MEGF11: variants seen among roughly 807,000 people sequenced by gnomAD.
MEGF11 encodes multiple epidermal growth factor-like domains protein 11.
Under a neutral mutation model 146.6 loss-of-function variants are expected in MEGF11, and 126 were observed. The observed-to-expected ratio is 0.86, with a 90% CI of 0.74 to 1.00. The LOEUF (loss-of-function observed/expected upper bound fraction) is 1.00. Among genes scored for constraint, MEGF11 ranks in the 50% least tolerant of loss-of-function variants. The probability of loss-of-function intolerance (pLI) is 0.00; values close to 1 mark genes in which losing one functional copy is unlikely to be tolerated. For missense variants in MEGF11, 1,509 were observed against 1,521.2 expected (o/e 0.99, Z 0.13); for synonymous variants, 532 against 583.4 (o/e 0.91, Z 1.27).
intron 4 of MEGF11, among the ~76,000 whole-genome samples, chr15:66,110,387 A>G (rs1314869656): frequency 6.6e-6 from 1 of 152,110 alleles, no homozygotes; most frequent in Non-Finnish European, 1.5e-5. Context: ...TTCTAAATCA[A>G]TGTTCTAAGC....
At chr15:66,035,275 C>T (rs1407893905) in intron 5 of MEGF11, among the ~76,000 whole-genome samples, 2 of 152,214 alleles carry the variant, frequency 1.3e-5, no homozygotes, top group Non-Finnish European at 2.9e-5. Flanking sequence ...ACTACAATCA[C>T]CATGACTACT....
intron 5 of MEGF11, among the ~76,000 whole-genome samples, chr15:66,080,320 C>A (rs2085794055): frequency 6.6e-6 from 1 of 152,216 alleles, no homozygotes; most frequent in South Asian, 2.1e-4. Flanking sequence ...GACCTCAGGC[C>A]ATTATGTAAC....
At chr15:66,118,710 C>T (rs1053377286) in intron 4 of MEGF11, among the ~76,000 whole-genome samples, 1 of 152,190 alleles carries the variant, frequency 6.6e-6, no homozygotes, top group African/African-American at 2.4e-5. Context: ...TCTCTCCTTC[C>T]ATCCAGCAAA....
intron 24 of MEGF11, 40 bp downstream of exon 24, chr15:65,906,045 T>C: frequency 2.0e-6 from 3 of 1,537,114 alleles, no homozygotes; most frequent in South Asian, 2.3e-5. Flanking sequence ...TTTATCTTGC[T>C]AAGCCCTCTG....
At chr15:65,980,521 C>T (rs1482144836) in intron 7 of MEGF11, among the ~76,000 whole-genome samples, 7 of 150,064 alleles carry the variant, frequency 4.7e-5, no homozygotes, top group Non-Finnish European at 1.0e-4. Context: ...GCCTCAGCCT[C>T]CCGAGTAGCT....
intron 4 of MEGF11, among the ~76,000 whole-genome samples, chr15:66,110,174 G>T (rs540379041): frequency 2.5e-4 from 38 of 152,314 alleles, no homozygotes; most frequent in African/African-American, 9.1e-4. Context: ...AGACCACCAG[G>T]CATTGTGGGT....
chr15:66,228,234 C>T (rs1215203027), intron 1 of MEGF11, among the ~76,000 whole-genome samples: 1 of 152,144 alleles, frequency 6.6e-6, no homozygotes, highest in Non-Finnish European at 1.5e-5. Context: ...GAAGGCTCTT[C>T]AGAAAACACC....
At chr15:65,963,528 G>C (rs765236933) in intron 9 of MEGF11, among the ~76,000 whole-genome samples, 5 of 151,352 alleles carry the variant, frequency 3.3e-5, no homozygotes, top group African/African-American at 4.9e-5. Context: ...TCAGTTGATA[G>C]AATTTTCCTA....
intron 1 of MEGF11, among the ~76,000 whole-genome samples, chr15:66,236,307 A>T (rs1321925210): frequency 1.3e-5 from 2 of 152,118 alleles, no homozygotes; most frequent in African/African-American, 4.8e-5. Context: ...TGTGCTAATG[A>T]GTTTTGACTT....
chr15:66,058,152 C>T (rs2084755175), intron 5 of MEGF11, among the ~76,000 whole-genome samples: 1 of 151,940 alleles, frequency 6.6e-6, no homozygotes, highest in Admixed American at 6.6e-5. Context: ...GAGATGGGCT[C>T]ACAGATGGAA....
At chr15:65,909,167 A>G in intron 22 of MEGF11, 32 bp from the exon 23 acceptor site, 1 of 1,420,660 alleles carries the variant, frequency 7.0e-7, no homozygotes, top group African/African-American at 1.4e-5. Flanking sequence ...AGGAGCCATT[A>G]TTCCCAGGGC....
chr15:66,021,088 G>A (rs1392761223), intron 5 of MEGF11, among the ~76,000 whole-genome samples: 4 of 146,284 alleles, frequency 2.7e-5, no homozygotes, highest in Admixed American at 6.8e-5. Flanking sequence ...TCTCCACACC[G>A]TCCAGGAGGA....
At chr15:66,223,286 C>T (rs904424889) in intron 1 of MEGF11, among the ~76,000 whole-genome samples, 3 of 151,712 alleles carry the variant, frequency 2.0e-5, no homozygotes, top group African/African-American at 7.3e-5. Context: ...TGTCCAAAAC[C>T]GGCAAGTCCA....
intron 5 of MEGF11, among the ~76,000 whole-genome samples, chr15:66,082,902 C>T (rs900394726): frequency 6.6e-6 from 1 of 152,064 alleles, no homozygotes; most frequent in Non-Finnish European, 1.5e-5. Flanking sequence ...TGTGGTGGGC[C>T]ACACACACCC....
intron 1 of MEGF11, among the ~76,000 whole-genome samples, chr15:66,240,443 C>G (rs761331703): frequency 6.6e-6 from 1 of 152,204 alleles, no homozygotes; most frequent in African/African-American, 2.4e-5. Flanking sequence ...TTGCCTGTCA[C>G]GCGTCTGAGG....
intron 5 of MEGF11, among the ~76,000 whole-genome samples, chr15:66,004,843 G>A (rs182660684): frequency 1.3e-5 from 2 of 152,314 alleles, no homozygotes; most frequent in Non-Finnish European, 2.9e-5. Flanking sequence ...ATGGGACCCG[G>A]TGTGCTGTCC....
intron 3 of MEGF11, among the ~76,000 whole-genome samples, chr15:66,122,214 A>G (rs1460674673): frequency 2.0e-5 from 3 of 151,820 alleles, no homozygotes; most frequent in Non-Finnish European, 4.4e-5. Flanking sequence ...CAGTGAACTG[A>G]GATCGCGCCA....
intron 7 of MEGF11, among the ~76,000 whole-genome samples, chr15:65,976,358 G>A (rs1256841243): frequency 6.6e-6 from 1 of 152,196 alleles, no homozygotes; most frequent in African/African-American, 2.4e-5. Context: ...CTATGCTGAA[G>A]TTTTAACCTC....
intron 5 of MEGF11, among the ~76,000 whole-genome samples, chr15:66,057,225 A>G (rs1172597783): frequency 6.6e-6 from 1 of 152,116 alleles, no homozygotes; most frequent in African/African-American, 2.4e-5. Context: ...GCTTTCGGTG[A>G]AGCAAAACGA....
Sources: allele counts gnomAD v4.1 joint callset (sites outside exome capture counted in the v4.1 genomes callset), GRCh38; gene constraint gnomAD v4.1.1; transcripts MANE v1.5; gene names NCBI Gene and HGNC (gene_info 2026-07-23, HGNC 2026-07-21).